The following CHLSN variants were observed in gnomAD, a reference collection of about 807,000 sequenced individuals.
The protein encoded by CHLSN is protein cholesin.
chr7:1,038,338 G>A, the CHLSN span, among the ~76,000 whole-genome samples: 13 of 97,498 alleles, frequency 1.3e-4, 1 homozygote, highest in Non-Finnish European at 2.0e-4. Flanking sequence ...CAGCCACCCC[G>A]TCCGGGAGGT....
the CHLSN span, among the ~76,000 whole-genome samples, chr7:1,002,182 G>A: frequency 1.5e-5 from 2 of 129,104 alleles, no homozygotes; most frequent in Admixed American, 7.4e-5. Flanking sequence ...CAGGTGGGGA[G>A]TCCTGTGGGT....
chr7:1,072,676 C>CTTTTTTTTT, the CHLSN span, among the ~76,000 whole-genome samples: 4 of 110,316 alleles, frequency 3.6e-5, no homozygotes, highest in East Asian at 2.7e-4. Flanking sequence ...CTTTTCTTTC[C>CTTTTTTTTT]TTTTTTTTTT....
At chr7:1,051,833 C>T in the CHLSN span, among the ~76,000 whole-genome samples, 1 of 152,164 alleles carries the variant, frequency 6.6e-6, no homozygotes, top group Non-Finnish European at 1.5e-5. Context: ...AAAACATTAG[C>T]CAGCTGTAGT....
chr7:1,065,958 C>T, the CHLSN span, among the ~76,000 whole-genome samples: 52 of 152,350 alleles, frequency 3.4e-4, no homozygotes, highest in Middle Eastern at 3.4e-3. Context: ...GTCGGGGTGC[C>T]GTCACTTTCA....
chr7:1,023,920 A>C, the CHLSN span, among the ~76,000 whole-genome samples: 1 of 152,142 alleles, frequency 6.6e-6, no homozygotes, highest in African/African-American at 2.4e-5. This position sits in a 1 kb window ranked among gnomAD's most constrained non-coding sequence, Gnocchi z 5.0. Context: ...AGTTTACTGC[A>C]GCCTCGACCT....
the CHLSN span, among the ~76,000 whole-genome samples, chr7:1,123,092 T>C: frequency 1.7e-4 from 26 of 152,188 alleles, no homozygotes; most frequent in Non-Finnish European, 2.8e-4. The surrounding 1 kb of genome is among the most constrained non-coding windows in gnomAD (Gnocchi z 4.4). Flanking sequence ...CCTGAGGCCC[T>C]GGTGCCCAGG....
chr7:1,050,977 G>A, the CHLSN span, among the ~76,000 whole-genome samples: 2 of 152,226 alleles, frequency 1.3e-5, no homozygotes, highest in Non-Finnish European at 2.9e-5. Flanking sequence ...GAGGGGGATG[G>A]ACAGATTGGC....
At chr7:1,081,703 TG>T in the CHLSN span, among the ~76,000 whole-genome samples, 2 of 149,448 alleles carry the variant, frequency 1.3e-5, no homozygotes, top group Non-Finnish European at 3.0e-5. Context: ...AGGCGCAGCC[TG>T]GGGGAGGGAC....
At chr7:1,055,627 A>T in the CHLSN span, 1 of 345,594 alleles carries the variant, frequency 2.9e-6, no homozygotes, top group Non-Finnish European at 5.8e-6. Context: ...ACCGGTGGAC[A>T]TCTCTAAGTA....
the CHLSN span, among the ~76,000 whole-genome samples, chr7:1,097,977 G>C: frequency 2.6e-5 from 4 of 152,192 alleles, no homozygotes; most frequent in African/African-American, 9.7e-5. This position sits in a 1 kb window ranked among gnomAD's most constrained non-coding sequence, Gnocchi z 4.3. Flanking sequence ...GTAACAATTC[G>C]ACACAACAGG....
At chr7:1,032,420 TG>T in the CHLSN span, among the ~76,000 whole-genome samples, 2,772 of 152,146 alleles carry the variant, frequency 0.018, 116 homozygotes, top group East Asian at 0.19. Context: ...CCCTGAGAAG[TG>T]GAGGCCCTGG....
At chr7:1,077,377 T>G in the CHLSN span, among the ~76,000 whole-genome samples, 13 of 152,346 alleles carry the variant, frequency 8.5e-5, no homozygotes, top group Admixed American at 4.6e-4. Context: ...GGATGGTCTC[T>G]ATCTCCTGAC....
At chr7:1,021,664 G>A in the CHLSN span, 2 of 793,782 alleles carry the variant, frequency 2.5e-6, no homozygotes, top group Non-Finnish European at 3.1e-6. Flanking sequence ...TGCCCTCTGG[G>A]AACCCCGGCA....
the CHLSN span, among the ~76,000 whole-genome samples, chr7:978,126 T>C: frequency 3.0e-4 from 46 of 152,316 alleles, 1 homozygote; most frequent in Middle Eastern, 0.01. Flanking sequence ...AACCGGCTTT[T>C]AATTGACTGT....
chr7:1,085,802 T>C, the CHLSN span, among the ~76,000 whole-genome samples: 1 of 150,752 alleles, frequency 6.6e-6, no homozygotes, highest in African/African-American at 2.4e-5. Context: ...CACTGCACAC[T>C]GGCCTGGGCA....
At chr7:1,031,212 C>T in the CHLSN span, among the ~76,000 whole-genome samples, 1 of 152,248 alleles carries the variant, frequency 6.6e-6, no homozygotes, top group Non-Finnish European at 1.5e-5. Context: ...CAGAACAAGA[C>T]AAAGATGCGT....
the CHLSN span, among the ~76,000 whole-genome samples, chr7:1,033,275 GGGCCGGGCGCAGT>G: frequency 2.0e-5 from 3 of 152,278 alleles, no homozygotes; most frequent in Admixed American, 2.0e-4. Flanking sequence ...AAAATCCATT[GGGCCGGGCGCAGT>G]GGCTCACGCC....
chr7:1,051,011 G>C, the CHLSN span, among the ~76,000 whole-genome samples: 1 of 152,260 alleles, frequency 6.6e-6, no homozygotes, highest in Admixed American at 6.5e-5. Context: ...CAGGCCAGCA[G>C]AGGCCTGGGT....
At chr7:1,066,427 G>A in the CHLSN span, among the ~76,000 whole-genome samples, 3 of 152,246 alleles carry the variant, frequency 2.0e-5, no homozygotes, top group Admixed American at 1.3e-4. Context: ...GGGAGCGGAG[G>A]ATACTGCCTG....
Sources: allele counts gnomAD v4.1 joint callset (sites outside exome capture counted in the v4.1 genomes callset), GRCh38; gene constraint gnomAD v4.1.1; non-coding constraint Gnocchi (gnomAD v3.1); transcripts MANE v1.5; gene names NCBI Gene and HGNC (gene_info 2026-07-23, HGNC 2026-07-21).